Variants in EMP3 observed in about 807,000 individuals in gnomAD.
EMP3 encodes epithelial membrane protein 3.
A neutral mutation model predicts 21.6 loss-of-function variants in EMP3; 15 were observed. The observed-to-expected ratio is 0.69, with a 90% CI of 0.46 to 1.07. The LOEUF (loss-of-function observed/expected upper bound fraction) is 1.07, where lower values mean the gene tolerates loss of function less well. Among genes scored for constraint, EMP3 ranks in the 50% least tolerant of loss-of-function variants. The pLI is 0.00. For missense variants in EMP3, 183 were observed against 206.6 expected, an observed-to-expected ratio of 0.89 and a Z score of 0.70; for synonymous variants, 107 against 86.1, an observed-to-expected ratio of 1.24 and a Z score of -1.34.
intron 3 of EMP3, 180 bp downstream of exon 3, chr19:48,327,803 GT>G (rs372351440): frequency 2.1e-5 from 12 of 569,232 alleles, no homozygotes; most frequent in Middle Eastern, 4.7e-4. Flanking sequence ...CCTACCTCTT[GT>G]TTTTTTTGTT....
Position 48,329,773 on chromosome 19 carries a change from T to C in EMP3, c.322+281T>C, listed in dbSNP as rs1969178359. 6.6e-6 allele frequency among the ~76,000 whole-genome samples: 1 copy of C among 152,074 alleles called. No individual in the cohort carries two copies. The highest frequency in any genetic ancestry group is 1.5e-5 in the Non-Finnish European group (1 of 68,010). On this transcript the variant is annotated intron_variant, in intron 4 of 4. Coordinates refer to ENST00000270221, the MANE Select transcript of EMP3 (RefSeq NM_001425.3). This position sits in a 1 kb window ranked among gnomAD's most constrained non-coding sequence, Gnocchi z 4.5. ...CCGGGGCTGGGGAAGGAGGTATAGG[T>C]AAATAGTTTTGGTCCCAGGGATCGG...
Position 48,329,583 on chromosome 19 carries a change from C to A in EMP3, c.322+91C>A. On this transcript the variant is annotated intron_variant, in intron 4 of 4. Coordinates refer to ENST00000270221, the MANE Select transcript of EMP3 (RefSeq NM_001425.3). This position sits in a 1 kb window ranked among gnomAD's most constrained non-coding sequence, Gnocchi z 4.5. ...AGATGCTGGGGGCCCTGAGAATGGG[C>A]CTCTCGTAGAAAAAAACAACTTTCA... 1.3e-6 allele frequency: 2 copies of A among 1,524,718 alleles called. No individual in the cohort carries two copies. Among genetic ancestry groups the A allele is most frequent in the South Asian group, 1.2e-5 (1 of 80,138 alleles). 94.4% of individuals were successfully genotyped at this position (1,524,718 alleles called of 1,614,324 possible). A position where few individuals can be genotyped will look rare whatever the true frequency, so the allele number is the denominator to read the frequency against.
At chr19:48,327,711 C>G in intron 3 of EMP3, 88 bp downstream of exon 3, 1 of 1,327,042 alleles carries the variant, frequency 7.5e-7, no homozygotes, top group Non-Finnish European at 1.1e-6. Context: ...GAACCCTCCC[C>G]CAACAAAGTT....
Position 48,330,415 on chromosome 19 carries a change from TC to T in EMP3, c.442del (p.Leu148SerfsTer?). The T allele has an allele frequency of 2.5e-6, 4 of 1,599,026 alleles. No individual in the cohort carries two copies. The highest frequency in any genetic ancestry group is 2.6e-6 in the Non-Finnish European group (3 of 1,173,722). On this transcript the variant is annotated frameshift_variant, in exon 5 of 5. Transcript: ENST00000270221. LOFTEE classifies it high-confidence loss of function. ...TGCTTCGCCCTGGCCTGGGTGGCCT[TC>T]CCCCTCGCCCTGGTCAGCGGCATCA... is the stretch of plus-strand genomic sequence containing the variant. Reference protein sequence around the residue: ...GYCFALAWVAFPLALVSGIIY... With the variant: ...GYCFALAWVAXPLALVSGIIY...
chr19:48,329,511 C>T lies in EMP3; in HGVS notation c.322+19C>T. ...TGCACCAGTGAGCACTGCCCCTCCCCAACCCTAATCCCCCAAGAATTGAGC... is the reference window on the plus strand; with the variant it reads ...TGCACCAGTGAGCACTGCCCCTCCCTAACCCTAATCCCCCAAGAATTGAGC... On this transcript the variant is annotated intron_variant, in intron 4 of 4. Transcript: ENST00000270221. This position sits in a 1 kb window ranked among gnomAD's most constrained non-coding sequence, Gnocchi z 4.5. 6.2e-7 allele frequency: 1 copy of T among 1,613,778 alleles called. No individual in the cohort carries two copies. Among genetic ancestry groups the T allele is most frequent in the Non-Finnish European group, 8.5e-7 (1 of 1,179,772 alleles).
Position 48,329,195 on chromosome 19 carries a change from T to TC in EMP3, c.182-156dup. ...AGGGAATATAGCAAGGTAACAGGGC[T>TC]CAAGGTCAAAATAAGTGATACATCT... On this transcript the variant is annotated intron_variant, in intron 3 of 4. Transcript: ENST00000270221. This position sits in a 1 kb window ranked among gnomAD's most constrained non-coding sequence, Gnocchi z 4.5. 1.2e-6 allele frequency: 1 copy of TC among 852,338 alleles called. No homozygotes were observed. Among genetic ancestry groups the TC allele is most frequent in the Non-Finnish European group, 1.8e-6 (1 of 559,450 alleles). The allele number at this position is 852,338 out of a possible 1,614,324, so 52.8% of individuals were successfully genotyped here.
At chr19:48,328,445 A>T (rs1165154128) in intron 3 of EMP3, among the ~76,000 whole-genome samples, 1 of 151,534 alleles carries the variant, frequency 6.6e-6, no homozygotes, top group Non-Finnish European at 1.5e-5. Context: ...ATAGAGAAAA[A>T]TCTCCCAAGA....
intron 1 of EMP3, 22 bp from the exon 2 acceptor site, chr19:48,326,808 G>A (rs369354946): frequency 1.6e-4 from 254 of 1,605,834 alleles, no homozygotes; most frequent in East Asian, 2.5e-4. Flanking sequence ...TTGAGACTCC[G>A]TCCCCTGCTC....
In EMP3 at chr19:48,330,319, G is replaced by C; in HGVS notation, c.341G>C (p.Gly114Ala). The C allele has an allele frequency of 2.5e-6, 4 of 1,590,838 alleles. No homozygotes were observed. The highest frequency in any genetic ancestry group is 3.4e-6 in the Non-Finnish European group (4 of 1,169,118). Residue 114 changes from glycine to alanine, a missense_variant, in exon 5 of 5, where the codon GGC becomes GCC. Gly to Ala is a moderately conservative substitution (Grantham distance 60). Coordinates refer to ENST00000270221, the MANE Select transcript of EMP3 (RefSeq NM_001425.3). ...TCCGCAGGCGTGGCGGTGTTTACTGGCGCCTTGATCTATGCCATTCACGCC... is the reference window on the plus strand; with the variant it reads ...TCCGCAGGCGTGGCGGTGTTTACTGCCGCCTTGATCTATGCCATTCACGCC... ...QLCTSVAVFT[G>A]ALIYAIHAEE...
Position 48,330,476 on chromosome 19 carries a change from C to A in EMP3, c.*6C>A. On this transcript the variant is annotated 3_prime_UTR_variant, in exon 5 of 5. Coordinates refer to ENST00000270221, the MANE Select transcript of EMP3 (RefSeq NM_001425.3). Reference sequence around the variant, plus strand: ...ACCTACGGAAGCGGGAGTGAGCGCCCCGCCTCGCTCGGCTGCCCCCGCCCC... The same window carrying A: ...ACCTACGGAAGCGGGAGTGAGCGCCACGCCTCGCTCGGCTGCCCCCGCCCC... The A allele has an allele frequency of 6.3e-7, 1 of 1,575,860 alleles. No homozygotes were observed. The highest frequency in any genetic ancestry group is 2.4e-5 in the East Asian group (1 of 41,288).
At position 48,329,931 on chromosome 19, in the gene EMP3, G is replaced by T. The variant is rs547275303; in HGVS notation, c.323-370G>T. Among the ~76,000 whole-genome samples the T allele has an allele frequency of 1.3e-5, 2 of 152,112 alleles. No individual in the cohort carries two copies. The highest frequency in any genetic ancestry group is 2.9e-5 in the Non-Finnish European group (2 of 68,026). On this transcript the variant is annotated intron_variant, in intron 4 of 4. Transcript: ENST00000270221. The surrounding 1 kb of genome is among the most constrained non-coding windows in gnomAD (Gnocchi z 4.5). ...CATCAGATACTTCAAGAAGTTTTGC[G>T]TACTTTTTAATTTTTTGACTTAAGG...
At position 48,330,480 on chromosome 19, in the gene EMP3, C is replaced by T; in HGVS notation, c.*10C>T. The T allele has an allele frequency of 6.4e-7, 1 of 1,573,784 alleles. No individual in the cohort carries two copies. The highest frequency in any genetic ancestry group is 1.9e-5 in the Admixed American group (1 of 52,094). On this transcript the variant is annotated 3_prime_UTR_variant, in exon 5 of 5. Coordinates refer to ENST00000270221, the MANE Select transcript of EMP3 (RefSeq NM_001425.3). ...ACGGAAGCGGGAGTGAGCGCCCCGC[C>T]TCGCTCGGCTGCCCCCGCCCCTTCC...
At position 48,327,378 on chromosome 19, in the gene EMP3, C is replaced by T. The variant is rs147542254; in HGVS notation, c.79-143C>T. On this transcript the variant is annotated intron_variant, in intron 2 of 4. Transcript: ENST00000270221. Reference sequence around the variant, plus strand: ...CTCCTCCCTGTCCTGACCCTACCCCCTCTCATATTAAATCCTAACTCTCCC... The same window carrying T: ...CTCCTCCCTGTCCTGACCCTACCCCTTCTCATATTAAATCCTAACTCTCCC... 1.1e-5 allele frequency: 7 copies of T among 649,382 alleles called. No homozygotes were observed. In the Admixed American group the frequency reaches 1.4e-4, roughly 13 times the overall value. 40.2% of individuals were successfully genotyped at this position (649,382 alleles called of 1,614,324 possible).
At chr19:48,326,571 A>G (rs1187422339) in intron 1 of EMP3, among the ~76,000 whole-genome samples, 1 of 151,372 alleles carries the variant, frequency 6.6e-6, no homozygotes, top group Non-Finnish European at 1.5e-5. Context: ...GCTCATTGCA[A>G]CCTTTGCCTC....
At chr19:48,326,647 C>T (rs1468604900) in intron 1 of EMP3, among the ~76,000 whole-genome samples, 183 bp from the exon 2 acceptor site, 1 of 152,074 alleles carries the variant, frequency 6.6e-6, no homozygotes, top group African/African-American at 2.4e-5. Context: ...TGCACCACCA[C>T]ACCCAGCTAA....
Position 48,330,457 on chromosome 19 carries a change from G to C in EMP3, c.479G>C (p.Arg160Pro). The C allele has an allele frequency of 6.3e-7, 1 of 1,582,348 alleles. No individual in the cohort carries two copies. The highest frequency in any genetic ancestry group is 8.6e-7 in the Non-Finnish European group (1 of 1,167,314). The change falls in exon 5 of 5, where the codon CGG (arginine) becomes CCG (proline). Residue 160 changes from arginine (R) to proline (P), a missense_variant. Arg to Pro is a moderately radical substitution (Grantham distance 103). Coordinates refer to ENST00000270221, the MANE Select transcript of EMP3 (RefSeq NM_001425.3). Reference sequence around the variant, plus strand: ...AGCGGCATCATCTACATCCACCTACGGAAGCGGGAGTGAGCGCCCCGCCTC... The same window carrying C: ...AGCGGCATCATCTACATCCACCTACCGAAGCGGGAGTGAGCGCCCCGCCTC... Reference protein sequence around the residue: ...LVSGIIYIHLRKRE With the variant: ...LVSGIIYIHLPKRE
In EMP3 at chr19:48,329,589, G is replaced by A. The variant is rs71357818; in HGVS notation, c.322+97G>A. ...TGGGGGCCCTGAGAATGGGCCTCTC[G>A]TAGAAAAAAACAACTTTCAACACCC... On this transcript the variant is annotated intron_variant, in intron 4 of 4. Coordinates refer to ENST00000270221, the MANE Select transcript of EMP3 (RefSeq NM_001425.3). The surrounding 1 kb of genome is among the most constrained non-coding windows in gnomAD (Gnocchi z 4.5). 0.016 allele frequency: 24,327 copies of A among 1,507,456 alleles called. 281 individuals carry two copies. Among genetic ancestry groups the A allele is most frequent in the Middle Eastern group, 0.083 (453 of 5,474 alleles). 93.4% of individuals were successfully genotyped at this position (1,507,456 alleles called of 1,614,324 possible). A position where few individuals can be genotyped will look rare whatever the true frequency, so the allele number is the denominator to read the frequency against.
Position 48,329,266 on chromosome 19 carries a change from A to C in EMP3, c.182-86A>C. 2 of 1,555,290 alleles carry C rather than the reference A, an allele frequency of 1.3e-6. No homozygotes were observed. The highest frequency in any genetic ancestry group is 1.2e-5 in the South Asian group (1 of 84,180). ...GCCTAAACGGGAGCAGGGATGGGGCAGAGAAGGGTCACATGGTGAGCAAGC... is the reference window on the plus strand; with the variant it reads ...GCCTAAACGGGAGCAGGGATGGGGCCGAGAAGGGTCACATGGTGAGCAAGC... On this transcript the variant is annotated intron_variant, in intron 3 of 4. Transcript: ENST00000270221. This position sits in a 1 kb window ranked among gnomAD's most constrained non-coding sequence, Gnocchi z 4.5.
At position 48,329,378 on chromosome 19, in the gene EMP3, A is replaced by T. The variant is rs779411673; in HGVS notation, c.208A>T (p.Met70Leu). The T allele has an allele frequency of 4.6e-5, 75 of 1,613,994 alleles. 1 individual carries two copies. The Middle Eastern group carries it at 8.2e-4, about 18-fold the overall frequency. Reference sequence around the variant, plus strand: ...CTGGCTGAAGGCGGTGCAGGTCCTCATGGTGCTCTCCCTCATTCTCTGCTG... The same window carrying T: ...CTGGCTGAAGGCGGTGCAGGTCCTCTTGGTGCTCTCCCTCATTCTCTGCTG... Reference protein sequence around the residue: ...NGWLKAVQVLMVLSLILCCLS... With the variant: ...NGWLKAVQVLLVLSLILCCLS... The change falls in exon 4 of 5, where the codon ATG becomes TTG. Residue 70 changes from methionine to leucine, a missense_variant. Transcript: ENST00000270221. This position sits in a 1 kb window ranked among gnomAD's most constrained non-coding sequence, Gnocchi z 4.5.
Sources: gnomAD v4.1 joint callset for allele counts (sites outside exome capture counted in the v4.1 genomes callset) on GRCh38, gnomAD v4.1.1 for gene constraint, Gnocchi (gnomAD v3.1) non-coding constraint, MANE v1.5 for transcripts, NCBI Gene and HGNC (gene_info 2026-07-23, HGNC 2026-07-21) for gene names.